RPL13: variants seen among roughly 807,000 people sequenced by gnomAD.
RPL13 encodes large ribosomal subunit protein eL13.
In RPL13, 1 loss-of-function variant was observed where a neutral mutation model predicts 21.4. The observed-to-expected ratio is 0.05, with a 90% confidence interval of 0.02 to 0.22. RPL13 has a LOEUF of 0.22. Among genes scored for constraint, RPL13 ranks in the 10% least tolerant of loss-of-function variants. The pLI is 1.00. For missense variants in RPL13, 289 were observed against 303.0 expected (o/e 0.95, Z 0.34); for synonymous variants, 143 against 120.5 (o/e 1.19, Z -1.23).
intron 3 of RPL13, 71 bp downstream of exon 3, chr16:89,561,439 A>G (rs772762714): frequency 1.5e-5 from 24 of 1,612,320 alleles, no homozygotes; most frequent in Admixed American, 1.2e-4. Flanking sequence ...TCGCGTGATG[A>G]CATTCTCCGG....
downstream of RPL13, chr16:89,565,003 T>G: frequency 6.6e-6 from 1 of 152,252 alleles, no homozygotes; most frequent in East Asian, 1.9e-4. Flanking sequence ...CCAGCCGACT[T>G]GACGGGAAGT....
rs1409691734 is a variant in RPL13, at chr16:89,563,086, CT to C, written c.*45del. 6.9e-7 allele frequency: 1 copy of C among 1,447,668 alleles called. No homozygotes were observed. The highest frequency in any genetic ancestry group is 1.5e-5 in the African/African-American group (1 of 68,700). 89.7% of individuals were successfully genotyped at this position (1,447,668 alleles called of 1,614,324 possible). On this transcript the variant is annotated 3_prime_UTR_variant, in exon 6 of 6. Coordinates refer to ENST00000311528, the MANE Select transcript of RPL13 (RefSeq NM_000977.4). ...GAATCAGTCGGCAGTCATGCTGGGT[CT>C]CCACGTGGTGTGTTTCGTGGGAACA... is the stretch of plus-strand genomic sequence containing the variant.
rs994782584 is a variant in RPL13, at chr16:89,561,169, G to T, written c.105-58G>T. The T allele has an allele frequency of 2.0e-6, 3 of 1,513,112 alleles. No individual in the cohort carries two copies. The African/African-American group carries it at 4.2e-5, about 21-fold the overall frequency. 93.7% of individuals were successfully genotyped at this position (1,513,112 alleles called of 1,614,324 possible). A position where few individuals can be genotyped will look rare whatever the true frequency, so the allele number is the denominator to read the frequency against. ...GGGGGCGCTGTCTGCAACCGTCGCG[G>T]AGCGCTGGCCTGGCGGCCTTAGGCA... is the stretch of plus-strand genomic sequence containing the variant. On this transcript the variant is annotated intron_variant, in intron 2 of 5. Transcript: ENST00000311528.
At position 89,561,336 on chromosome 16, in the gene RPL13, G is replaced by A. The variant is rs748375059; in HGVS notation, c.214G>A (p.Ala72Thr). 3.1e-6 allele frequency: 5 copies of A among 1,599,836 alleles called. No individual in the cohort carries two copies. The highest frequency in any genetic ancestry group is 4.2e-6 in the Non-Finnish European group (5 of 1,177,354). The change falls in exon 3 of 6, where the codon GCC becomes ACC. Residue 72 changes from alanine to threonine, a missense_variant. By Grantham distance (58) the Ala-to-Thr change is moderately conservative. Transcript: ENST00000311528. Reference sequence around the variant, plus strand: ...GGTTCGGTACCACACGAAGGTGCGCGCCGGCCGCGGCTTCAGCCTGGAGGA... The same window carrying A: ...GGTTCGGTACCACACGAAGGTGCGCACCGGCCGCGGCTTCAGCCTGGAGGA... ...PTVRYHTKVR[A>T]GRGFSLEELR...
At position 89,563,471 on chromosome 16, in the gene RPL13, C is replaced by T. The variant is rs1821282793; in HGVS notation, c.*429C>T. On this transcript the variant is annotated 3_prime_UTR_variant, in exon 6 of 6. Transcript: ENST00000311528. ...TGCTGCACACTTGTAGTTGCAGCTC[C>T]TGGGAGGCAGAGGTGAGGGATCACT... The T allele has an allele frequency of 6.6e-6, 1 of 152,254 alleles. No homozygotes were observed. The highest frequency in any genetic ancestry group is 1.5e-5 in the Non-Finnish European group (1 of 68,216). 9.4% of individuals were successfully genotyped at this position (152,254 alleles called of 1,614,324 possible). A position where few individuals can be genotyped will look rare whatever the true frequency, so the allele number is the denominator to read the frequency against.
downstream of RPL13, chr16:89,564,921 C>G (rs2058773137): frequency 6.6e-6 from 1 of 152,192 alleles, no homozygotes; most frequent in African/African-American, 2.4e-5. Context: ...GGTCTGTGCC[C>G]CATCACACCG....
intron 3 of RPL13, 91 bp from the exon 4 acceptor site, chr16:89,561,487 C>G: frequency 6.2e-7 from 1 of 1,612,208 alleles, no homozygotes; most frequent in Non-Finnish European, 8.5e-7. Context: ...CATTTGAACC[C>G]TTTTCCATCT....
chr16:89,561,470 G>A (rs2152414528), intron 3 of RPL13, 102 bp downstream of exon 3: 2 of 1,612,304 alleles, frequency 1.2e-6, no homozygotes, highest in Non-Finnish European at 1.7e-6. Context: ...CGGCCTTGAT[G>A]AAAGCACATT....
rs2058741400 is a variant in RPL13, at chr16:89,561,221, C to T, written c.105-6C>T. 1 of 1,542,476 alleles carries T rather than the reference C, an allele frequency of 6.5e-7. No homozygotes were observed. Among genetic ancestry groups the T allele is most frequent in the East Asian group, 2.4e-5 (1 of 41,248 alleles). ...GGGTGACCGCCGCTGCGCTTCTCTCCACCAGACGTAAGGCCCGGCAAGCCA... is the reference window on the plus strand; with the variant it reads ...GGGTGACCGCCGCTGCGCTTCTCTCTACCAGACGTAAGGCCCGGCAAGCCA... On this transcript the variant is annotated splice_region_variant and splice_polypyrimidine_tract_variant and intron_variant, in intron 2 of 5. Transcript: ENST00000311528.
chr16:89,560,794 C>T (rs2058736903), intron 1 of RPL13, 82 bp downstream of exon 1: 2 of 561,502 alleles, frequency 3.6e-6, no homozygotes, highest in South Asian at 4.6e-5. Flanking sequence ...AGTGGATGGG[C>T]CCCTTCTTCT....
downstream of RPL13, chr16:89,566,532 C>T (rs780340290): frequency 1.3e-5 from 2 of 152,142 alleles, no homozygotes; most frequent in Non-Finnish European, 2.9e-5. Flanking sequence ...GGTGAGGTCG[C>T]TCACGCCTAT....
chr16:89,562,488 C>T (rs557189385), intron 5 of RPL13, 97 bp downstream of exon 5: 1 of 1,165,636 alleles, frequency 8.6e-7, no homozygotes, highest in Non-Finnish European at 1.2e-6. Flanking sequence ...GGCTTAAGAA[C>T]GTTAATAGTG....
chr16:89,562,880 C>A lies in RPL13; in HGVS notation c.478-4C>A, dbSNP rs139947650. 2.6e-6 allele frequency: 4 copies of A among 1,556,576 alleles called. No individual in the cohort carries two copies. In the East Asian group the frequency reaches 9.4e-5, roughly 37 times the overall value. ...GGGTTTAACAACCTGTCTTTCTCTT[C>A]TAGGTCTATAAGAAGGAGAAAGCTC... On this transcript the variant is annotated splice_polypyrimidine_tract_variant and splice_region_variant and intron_variant, in intron 5 of 5. Transcript: ENST00000311528.
rs1023501448 is a variant in RPL13, at chr16:89,561,040, C to T, written c.81C>T (p.Asn27=). ...AGCGGCGCGTGGCCACGTGGTTCAA[C>T]CAGCCGGCCCGTAAGATCCGCAGGT... The part of the protein sequence containing the change: ...DWQRRVATWF[N]QPARKIRRRK... Residue 27 remains asparagine, a synonymous_variant, in exon 2 of 6, where the codon AAC becomes AAT. Coordinates refer to ENST00000311528, the MANE Select transcript of RPL13 (RefSeq NM_000977.4). 1.2e-6 allele frequency: 2 copies of T among 1,606,836 alleles called. No individual in the cohort carries two copies. The highest frequency in any genetic ancestry group is 1.7e-5 in the Admixed American group (1 of 59,784).
chr16:89,562,388 G>C lies in RPL13; in HGVS notation c.474G>C (p.Arg158=), dbSNP rs1321286716. 1.2e-6 allele frequency: 2 copies of C among 1,610,828 alleles called. No individual in the cohort carries two copies. The highest frequency in any genetic ancestry group is 2.7e-5 in the African/African-American group (2 of 74,864). Residue 158 remains arginine (R), a synonymous_variant, in exon 5 of 6, where the codon CGG becomes CGC. Transcript: ENST00000311528. ...TQLTGPVMPV[R]NVYKKEKARV... ...TGACCGGACCGGTCATGCCCGTCCG[G>C]AACGTAAGTGAACACTTACTCAAAT...
rs147112593 is a variant in RPL13, at chr16:89,561,660, T to G, written c.329T>G (p.Leu110Arg). The G allele has an allele frequency of 4.3e-6, 7 of 1,613,794 alleles. No individual in the cohort carries two copies. The highest frequency in any genetic ancestry group is 5.9e-6 in the Non-Finnish European group (7 of 1,180,032). ...AGGCGGAACAAGTCCACGGAGTCCC[T>G]GCAGGCCAACGTGCAGCGGCTGAAG... ...PRRRNKSTES[L>R]QANVQRLKEY... is the part of the protein sequence containing the mutation. Residue 110 changes from leucine to arginine, a missense_variant, in exon 4 of 6, where the codon CTG (leucine) becomes CGG (arginine). Leu to Arg is a moderately radical substitution (Grantham distance 102, BLOSUM62 -2). Transcript: ENST00000311528.
intron 4 of RPL13, 60 bp downstream of exon 4, chr16:89,561,811 A>G (rs1432863063): frequency 1.3e-6 from 2 of 1,565,146 alleles, no homozygotes; most frequent in East Asian, 2.3e-5. Flanking sequence ...TGGCTCCTTT[A>G]TCAGTGACAC....
Position 89,562,373 on chromosome 16 carries a change from G to A in RPL13, c.459G>A (p.Pro153=), listed in dbSNP as rs750478673. 8.7e-6 allele frequency: 14 copies of A among 1,612,452 alleles called. No individual in the cohort carries two copies. The highest frequency in any genetic ancestry group is 1.7e-4 in the Middle Eastern group (1 of 6,054). ...ELKLATQLTG[P]VMPVRNVYKK... ...AACTGGCCACCCAGCTGACCGGACC[G>A]GTCATGCCCGTCCGGAACGTAAGTG... The change falls in exon 5 of 6, where the codon CCG becomes CCA. Residue 153 remains proline (P), a synonymous_variant. Coordinates refer to ENST00000311528, the MANE Select transcript of RPL13 (RefSeq NM_000977.4).
Position 89,560,687 on chromosome 16 carries a change from C to T in RPL13, c.-46C>T, listed in dbSNP as rs1015060213. 11 of 390,550 alleles carry T rather than the reference C, an allele frequency of 2.8e-5. No homozygotes were observed. Among genetic ancestry groups the T allele is most frequent in the Admixed American group, 9.5e-5 (2 of 21,120 alleles). The allele number at this position is 390,550 out of a possible 1,614,324, so 24.2% of individuals were successfully genotyped here. On this transcript the variant is annotated 5_prime_UTR_variant, in exon 1 of 6. Coordinates refer to ENST00000311528, the MANE Select transcript of RPL13 (RefSeq NM_000977.4). ...GTGCATTGCGGGGCCGCTTCCTTTC[C>T]GCTCGGCTGTTTTCCTGCGCAGGAG...
Sources: gnomAD v4.1 joint callset for allele counts on GRCh38, gnomAD v4.1.1 for gene constraint, MANE v1.5 for transcripts, NCBI Gene and HGNC (gene_info 2026-07-23, HGNC 2026-07-21) for gene names.